UNC5D: variants seen among roughly 807,000 people sequenced by gnomAD.
UNC5D encodes netrin receptor UNC5D.
In UNC5D, 39 loss-of-function variants were observed where a neutral mutation model predicts 105.4. The observed-to-expected ratio is 0.37, with a 90% confidence interval of 0.29 to 0.48. The LOEUF is 0.48. Among genes scored for constraint, UNC5D ranks in the 20% least tolerant of loss-of-function variants. UNC5D has a pLI of 0.98. For synonymous variants in UNC5D, 452 were observed against 450.4 expected (o/e 1.00, Z -0.04); for missense variants, 991 against 1,202.4 (o/e 0.82, Z 2.60).
At chr8:35,270,201 G>T (rs1047250763) in intron 1 of UNC5D, among the ~76,000 whole-genome samples, 16 of 152,144 alleles carry the variant, frequency 1.1e-4, no homozygotes, top group African/African-American at 3.4e-4. Context: ...TACTGTTTGT[G>T]TTTCATTTTT....
Position 35,411,216 on chromosome 8 carries a change from C to G in UNC5D, c.104-138076C>G, listed in dbSNP as rs143116682. Among the ~76,000 whole-genome samples, 400 of 152,146 alleles carry G rather than the reference C, an allele frequency of 2.6e-3. 2 individuals carry two copies. Among genetic ancestry groups the G allele is most frequent in the African/African-American group, 9.0e-3 (374 of 41,542 alleles). ...CATGGAGGTGCTTCTGAACTTAAAA[C>G]TTTGTTTTTATCTTGGTGTAAAATG... On this transcript the variant is annotated intron_variant, in intron 1 of 16. Transcript: ENST00000404895.
At chr8:35,491,321 C>A (rs1410631187) in intron 1 of UNC5D, among the ~76,000 whole-genome samples, 1 of 151,850 alleles carries the variant, frequency 6.6e-6, no homozygotes, top group Non-Finnish European at 1.5e-5. Flanking sequence ...ATAAGCATAA[C>A]CTGAACTAGG....
intron 1 of UNC5D, among the ~76,000 whole-genome samples, chr8:35,455,119 C>T (rs767754506): frequency 2.6e-5 from 4 of 152,038 alleles, no homozygotes; most frequent in African/African-American, 7.2e-5. Flanking sequence ...CAGAAGATAT[C>T]GTGTCATCCA....
intron 8 of UNC5D, among the ~76,000 whole-genome samples, chr8:35,714,673 A>C (rs1828150194): frequency 6.6e-6 from 1 of 152,240 alleles, no homozygotes; most frequent in Non-Finnish European, 1.5e-5. Flanking sequence ...CTATTGCTGC[A>C]GAGCAGTGGT....
At chr8:35,411,193 T>C (rs1805141994) in intron 1 of UNC5D, among the ~76,000 whole-genome samples, 1 of 152,098 alleles carries the variant, frequency 6.6e-6, no homozygotes, top group Non-Finnish European at 1.5e-5. Flanking sequence ...ATGAGCACCA[T>C]GGAGGTGCTT....
In UNC5D at chr8:35,383,097, T is replaced by A. The variant is rs182165513; in HGVS notation, c.103+147210T>A. On this transcript the variant is annotated intron_variant, in intron 1 of 16. Transcript: ENST00000404895. The stretch of plus-strand genomic sequence containing the variant: ...TTAAAGAACACTTTGATATCAATGA[T>A]CACATTAAAGTAATTCAATAAGAGG... Among the ~76,000 whole-genome samples, 5 of 152,308 alleles carry A rather than the reference T, an allele frequency of 3.3e-5. No homozygotes were observed. The East Asian group carries it at 9.7e-4, about 29-fold the overall frequency.
In UNC5D at chr8:35,622,384, G is replaced by A. The variant is rs199612925; in HGVS notation, c.570+26727G>A. On this transcript the variant is annotated intron_variant, in intron 4 of 16. Coordinates refer to ENST00000404895, the MANE Select transcript of UNC5D (RefSeq NM_080872.4). ...CAAACAAAACAAACAAAAAACTCCT[G>A]AGAGGGAGACATTATTTATTATAAG... Among the ~76,000 whole-genome samples, 4 of 152,194 alleles carry A rather than the reference G, an allele frequency of 2.6e-5. No individual in the cohort carries two copies. The East Asian group carries it at 7.7e-4, about 29-fold the overall frequency.
intron 14 of UNC5D, among the ~76,000 whole-genome samples, chr8:35,760,374 A>C (rs2131682750): frequency 6.6e-6 from 1 of 152,094 alleles, no homozygotes; most frequent in East Asian, 1.9e-4. Flanking sequence ...TCCTTTTATA[A>C]ATATCTAAAG....
chr8:35,690,732 G>A (rs964411940), intron 7 of UNC5D, among the ~76,000 whole-genome samples: 1 of 152,234 alleles, frequency 6.6e-6, no homozygotes, highest in African/African-American at 2.4e-5. Flanking sequence ...CTCTGTCGGA[G>A]TGCTCTTGGT....
chr8:35,284,780 T>C (rs1806467291), intron 1 of UNC5D, among the ~76,000 whole-genome samples: 1 of 152,098 alleles, frequency 6.6e-6, no homozygotes, highest in Non-Finnish European at 1.5e-5. Flanking sequence ...GCCAGGATGG[T>C]CTCGATTTCC....
At chr8:35,400,313 G>A (rs147995917) in intron 1 of UNC5D, among the ~76,000 whole-genome samples, 5 of 152,056 alleles carry the variant, frequency 3.3e-5, no homozygotes, top group Admixed American at 3.3e-4. Context: ...CCTTTAAGAT[G>A]CCTATATTGT....
intron 4 of UNC5D, among the ~76,000 whole-genome samples, chr8:35,621,367 C>A (rs1821352941): frequency 6.6e-6 from 1 of 152,126 alleles, no homozygotes; most frequent in South Asian, 2.1e-4. Flanking sequence ...GAGTACCTAG[C>A]ATGTACTAGG....
At chr8:35,335,293 C>T (rs1810942645) in intron 1 of UNC5D, among the ~76,000 whole-genome samples, 1 of 152,184 alleles carries the variant, frequency 6.6e-6, no homozygotes, top group African/African-American at 2.4e-5. Context: ...GGCTAAATAA[C>T]CAGAAATAGA....
At chr8:35,344,593 G>A (rs1156890648) in intron 1 of UNC5D, among the ~76,000 whole-genome samples, 3 of 151,922 alleles carry the variant, frequency 2.0e-5, no homozygotes, top group Non-Finnish European at 2.9e-5. Context: ...TAGGCTCTTT[G>A]TAAACTGTTT....
intron 1 of UNC5D, among the ~76,000 whole-genome samples, chr8:35,402,641 C>T (rs1804546058): frequency 6.6e-6 from 1 of 152,094 alleles, no homozygotes; most frequent in African/African-American, 2.4e-5. Context: ...TTCACCAACT[C>T]GGTGATCAGC....
At chr8:35,751,798 A>G (rs955007268) in intron 13 of UNC5D, among the ~76,000 whole-genome samples, 5 of 152,220 alleles carry the variant, frequency 3.3e-5, no homozygotes, top group African/African-American at 1.2e-4. Flanking sequence ...AAATTATGCA[A>G]CTGACCCGAA....
rs550694815 is a variant in UNC5D, at chr8:35,235,632, G to T, written c.-153G>T. ...GGTGCCCATTCAGCGGCGGCTCGGA[G>T]CTCCCTGCCCCGCTGCTTTAGGAAG... On this transcript the variant is annotated 5_prime_UTR_variant, in exon 1 of 17. Transcript: ENST00000404895. The T allele has an allele frequency of 2.6e-5, 14 of 540,808 alleles. No individual in the cohort carries two copies. Among genetic ancestry groups the T allele is most frequent in the Admixed American group, 4.5e-5 (1 of 22,426 alleles). The allele number at this position is 540,808 out of a possible 1,614,324, so 33.5% of individuals were successfully genotyped here.
At chr8:35,645,726 A>G (rs924322800) in intron 4 of UNC5D, among the ~76,000 whole-genome samples, 22 of 152,062 alleles carry the variant, frequency 1.4e-4, no homozygotes, top group Admixed American at 5.2e-4. Flanking sequence ...GAGAATATAA[A>G]ATGGCAGGGC....
chr8:35,431,645 A>G (rs1283089465), intron 1 of UNC5D, among the ~76,000 whole-genome samples: 1 of 148,012 alleles, frequency 6.8e-6, no homozygotes, highest in South Asian at 2.1e-4. Flanking sequence ...CTGAACACTT[A>G]TTTTATTTAG....
Sources: gnomAD v4.1 joint callset for allele counts (sites outside exome capture counted in the v4.1 genomes callset) on GRCh38, gnomAD v4.1.1 for gene constraint, MANE v1.5 for transcripts, NCBI Gene and HGNC (gene_info 2026-07-23, HGNC 2026-07-21) for gene names.